The following CNTN3 variants were observed in gnomAD, a reference collection of about 807,000 sequenced individuals.
The protein encoded by CNTN3 is contactin 3, also known as contactin-3.
A neutral mutation model predicts 119.1 loss-of-function variants in CNTN3; 60 were observed. That is an observed-to-expected ratio of 0.50 (90% CI 0.41 to 0.62). The LOEUF (loss-of-function observed/expected upper bound fraction) is 0.62, where lower values mean the gene tolerates loss of function less well. CNTN3 is among the 20% of genes least tolerant of loss of function. CNTN3 has a pLI of 0.00. For synonymous variants in CNTN3, 450 were observed against 438.7 expected (o/e 1.03, Z -0.32); for missense variants, 1,101 against 1,242.4 (o/e 0.89, Z 1.71).
At chr3:74,286,334 A>G (rs1300899133) in intron 19 of CNTN3, among the ~76,000 whole-genome samples, 1 of 152,194 alleles carries the variant, frequency 6.6e-6, no homozygotes. Flanking sequence ...TTTTAAAATA[A>G]CTGTTTAACA....
Position 74,538,778 on chromosome 3 carries a change from G to A in CNTN3, c.-80-17586C>T, listed in dbSNP as rs1177169433. On this transcript the variant is annotated intron_variant, in intron 1 of 22. Transcript: ENST00000263665. ...GAGGACAGAAATCAAAAACAAAGCT[G>A]CTGTTTTTATAGAGACTCGTAACTG... 3.9e-5 allele frequency among the ~76,000 whole-genome samples: 6 copies of A among 152,036 alleles called. No individual in the cohort carries two copies. In the East Asian group the frequency reaches 1.2e-3, roughly 29 times the overall value.
chr3:74,614,439 C>CCGT lies in CNTN3; in HGVS notation c.-130_-129insACG, dbSNP rs761754369. Among the ~76,000 whole-genome samples, 15 of 38,586 alleles carry CCGT rather than the reference C, an allele frequency of 3.9e-4. No individual in the cohort carries two copies. Among genetic ancestry groups the CCGT allele is most frequent in the Non-Finnish European group, 6.2e-4 (13 of 20,934 alleles). 25.3% of individuals were successfully genotyped at this position (38,586 alleles called of 152,430 possible). On this transcript the variant is annotated 5_prime_UTR_variant, in exon 1 of 23. Transcript: ENST00000263665. ...GCCCGCCCCGACGGCCCACTCGCCG[C>CCGT]CGCCGCCGCCGCCGCCGCCGCCGCC...
At chr3:74,572,907 C>G (rs1704357227) in intron 1 of CNTN3, among the ~76,000 whole-genome samples, 1 of 152,184 alleles carries the variant, frequency 6.6e-6, no homozygotes. Flanking sequence ...AAGACTTCAT[C>G]TGCTGTTCAT....
At chr3:74,414,877 C>CTTTTTTTTTTT in intron 5 of CNTN3, among the ~76,000 whole-genome samples, 1 of 117,148 alleles carries the variant, frequency 8.5e-6, no homozygotes, top group Non-Finnish European at 1.7e-5. Flanking sequence ...TTCCTATAGT[C>CTTTTTTTTTTT]TTTTTTTTTT....
In CNTN3 at chr3:74,370,121, T is replaced by G. The variant is rs796216439; in HGVS notation, c.659-130A>C. The G allele has an allele frequency of 8.6e-5, 48 of 555,238 alleles. No individual in the cohort carries two copies. In the Admixed American group the frequency reaches 1.2e-3, roughly 14 times the overall value. 34.4% of individuals were successfully genotyped at this position (555,238 alleles called of 1,614,324 possible). Reference sequence around the variant, plus strand: ...CTAGTGATTTCAATTAAATAAAATTTAGTCTATGCAGCTCAGATTCCCTTT... The same window carrying G: ...CTAGTGATTTCAATTAAATAAAATTGAGTCTATGCAGCTCAGATTCCCTTT... On this transcript the variant is annotated intron_variant, in intron 6 of 22. Coordinates refer to ENST00000263665, the MANE Select transcript of CNTN3 (RefSeq NM_020872.3).
At chr3:74,509,738 T>C (rs1703331039) in intron 2 of CNTN3, among the ~76,000 whole-genome samples, 1 of 152,188 alleles carries the variant, frequency 6.6e-6, no homozygotes. Flanking sequence ...GCAGTATGTA[T>C]GAGAAGCCAC....
At position 74,555,957 on chromosome 3, in the gene CNTN3, C is replaced by T. The variant is rs527592442; in HGVS notation, c.-80-34765G>A. The stretch of plus-strand genomic sequence containing the variant: ...TATAGCAGTGTGAAAATTAACAATA[C>T]GGTGTCTATTTGGGTCTTTTGCCCA... On this transcript the variant is annotated intron_variant, in intron 1 of 22. Coordinates refer to ENST00000263665, the MANE Select transcript of CNTN3 (RefSeq NM_020872.3). Among the ~76,000 whole-genome samples the T allele has an allele frequency of 8.4e-4, 128 of 152,152 alleles. 2 individuals carry two copies. The highest frequency in any genetic ancestry group is 6.4e-3 in the South Asian group (31 of 4,826).
intron 1 of CNTN3, among the ~76,000 whole-genome samples, chr3:74,540,727 T>C (rs569174713): frequency 2.1e-4 from 32 of 152,284 alleles, no homozygotes; most frequent in African/African-American, 6.7e-4. Flanking sequence ...CCAAAAACTT[T>C]CTTCTGCTTC....
intron 2 of CNTN3, among the ~76,000 whole-genome samples, chr3:74,504,088 G>A (rs1343846006): frequency 2.0e-5 from 3 of 152,138 alleles, no homozygotes; most frequent in African/African-American, 7.2e-5. Flanking sequence ...TTCTGGGCAA[G>A]CTGCATCACT....
intron 3 of CNTN3, 84 bp downstream of exon 3, chr3:74,499,575 T>C (rs1703126960): frequency 2.2e-6 from 3 of 1,342,816 alleles, no homozygotes; most frequent in South Asian, 1.5e-5. Flanking sequence ...ATGGCATAAA[T>C]ATATTGAAGC....
intron 1 of CNTN3, among the ~76,000 whole-genome samples, chr3:74,549,472 T>C (rs1313694010): frequency 1.3e-5 from 2 of 152,058 alleles, no homozygotes; most frequent in Non-Finnish European, 2.9e-5. Context: ...ATAGGGCAAG[T>C]ATATTAGAGG....
intron 13 of CNTN3, among the ~76,000 whole-genome samples, chr3:74,327,099 G>A (rs1247184602): frequency 3.1e-5 from 4 of 129,372 alleles, no homozygotes; most frequent in African/African-American, 1.2e-4. Context: ...CTTATGAAGG[G>A]TTAATCCTTT....
chr3:74,496,139 CCAT>C (rs1424479458), intron 3 of CNTN3, among the ~76,000 whole-genome samples: 6 of 151,986 alleles, frequency 3.9e-5, no homozygotes, highest in African/African-American at 1.4e-4. Flanking sequence ...TTACTGGCTA[CCAT>C]ATTGGACAGC....
intron 4 of CNTN3, among the ~76,000 whole-genome samples, chr3:74,477,161 C>T (rs74899726): frequency 1.3e-5 from 2 of 152,126 alleles, no homozygotes; most frequent in African/African-American, 4.8e-5. Flanking sequence ...TATTAGCTCA[C>T]TTAATCCACA....
At chr3:74,353,645 A>G (rs1703867728) in intron 11 of CNTN3, among the ~76,000 whole-genome samples, 1 of 151,874 alleles carries the variant, frequency 6.6e-6, no homozygotes, top group Non-Finnish European at 1.5e-5. Context: ...AGTCCCAGCT[A>G]CTCGGGAGGC....
At chr3:74,337,631 A>T (rs1703429767) in intron 11 of CNTN3, among the ~76,000 whole-genome samples, 1 of 152,098 alleles carries the variant, frequency 6.6e-6, no homozygotes, top group African/African-American at 2.4e-5. Context: ...AGACTTATTC[A>T]CTACCACAAG....
rs755229623 is a variant in CNTN3, at chr3:74,371,225, G to T, written c.629C>A (p.Ser210Tyr). The T allele has an allele frequency of 6.2e-7, 1 of 1,613,258 alleles. No homozygotes were observed. The highest frequency in any genetic ancestry group is 8.5e-7 in the Non-Finnish European group (1 of 1,179,496). The change falls in exon 6 of 23, where the codon TCT becomes TAT. Residue 210 changes from serine (S) to tyrosine (Y), a missense_variant. Transcript: ENST00000263665. ...SMVTNARVLG[S>Y]PTPLVLRSDG... ...AGAACGTAGCACCAAAGGAGTTGGA[G>T]AGCCCAGCACTCGGGCATTTGTCAC...
intron 13 of CNTN3, among the ~76,000 whole-genome samples, chr3:74,322,169 C>CAAA (rs35201394): frequency 1.1e-4 from 10 of 94,138 alleles, no homozygotes; most frequent in African/African-American, 2.3e-4. Flanking sequence ...CTGGGTGACT[C>CAAA]AAAAAAAAAA....
rs140504476 is a variant in CNTN3 at position 74,572,273 on chromosome 3, A to G, written c.-81+42118T>C. 2.7e-3 allele frequency among the ~76,000 whole-genome samples: 418 copies of G among 152,308 alleles called. 4 individuals are homozygous for G. In the Middle Eastern group the frequency reaches 0.054, roughly 20 times the overall value. On this transcript the variant is annotated intron_variant, in intron 1 of 22. Coordinates refer to ENST00000263665, the MANE Select transcript of CNTN3 (RefSeq NM_020872.3). ...TCTTGTACAATACACTTCCTGATTA[A>G]CCAGCAATTGCACTTCCAAATATCT...
Sources: gnomAD v4.1 joint callset for allele counts (sites outside exome capture counted in the v4.1 genomes callset) on GRCh38, gnomAD v4.1.1 for gene constraint, MANE v1.5 for transcripts, NCBI Gene and HGNC (gene_info 2026-07-23, HGNC 2026-07-21) for gene names.